The following AMPH variants were observed in gnomAD, a reference collection of about 807,000 sequenced individuals.
The protein encoded by AMPH is amphiphysin.
A neutral mutation model predicts 99.1 loss-of-function variants in AMPH; 49 were observed. The observed-to-expected ratio is 0.49, with a 90% CI of 0.39 to 0.63. The LOEUF is 0.63. AMPH is among the 20% of genes least tolerant of loss of function. AMPH has a pLI of 0.00. For missense variants in AMPH, 759 were observed against 863.4 expected, an observed-to-expected ratio of 0.88 and a Z score of 1.52; for synonymous variants, 314 against 317.3, an observed-to-expected ratio of 0.99 and a Z score of 0.11.
At chr7:38,497,248 T>C (rs10277748) in intron 3 of AMPH, among the ~76,000 whole-genome samples, 85,334 of 151,976 alleles carry the variant, frequency 0.56, 24,233 homozygotes, top group African/African-American at 0.62. Flanking sequence ...ATACAAGTTC[T>C]CTTCAGAGTA....
chr7:38,620,599 G>C (rs1026638048), intron 1 of AMPH, among the ~76,000 whole-genome samples: 2 of 148,134 alleles, frequency 1.4e-5, no homozygotes, highest in Non-Finnish European at 3.0e-5. Flanking sequence ...ACGTGCAATT[G>C]ATTAAATGTT....
chr7:38,389,371 T>C (rs972357749), intron 20 of AMPH, among the ~76,000 whole-genome samples: 1 of 151,982 alleles, frequency 6.6e-6, no homozygotes, highest in Admixed American at 6.6e-5. Context: ...GTTCAATGAG[T>C]TTTGACAAAT....
intron 1 of AMPH, among the ~76,000 whole-genome samples, chr7:38,541,505 A>T (rs549344159): frequency 4.1e-4 from 63 of 152,320 alleles, no homozygotes; most frequent in Non-Finnish European, 6.9e-4. Flanking sequence ...ATTGTCCTCC[A>T]GCTTCCCCTC....
intron 1 of AMPH, among the ~76,000 whole-genome samples, chr7:38,547,300 T>C (rs1323620976): frequency 1.3e-5 from 2 of 152,090 alleles, no homozygotes; most frequent in Non-Finnish European, 2.9e-5. Context: ...TTCCACTACC[T>C]TTGTACACTT....
At chr7:38,443,914 AG>A (rs1374710606) in intron 11 of AMPH, among the ~76,000 whole-genome samples, 1 of 152,132 alleles carries the variant, frequency 6.6e-6, no homozygotes, top group Non-Finnish European at 1.5e-5. Flanking sequence ...TATTCATAAA[AG>A]ATATGATAAT....
intron 5 of AMPH, among the ~76,000 whole-genome samples, chr7:38,483,529 T>A (rs972382468): frequency 5.9e-5 from 9 of 151,972 alleles, no homozygotes; most frequent in Admixed American, 5.2e-4. Context: ...AGAAAATGAG[T>A]CTTGCTTGTC....
At chr7:38,491,876 C>A (rs1023676993) in intron 4 of AMPH, among the ~76,000 whole-genome samples, 2 of 152,184 alleles carry the variant, frequency 1.3e-5, no homozygotes, top group African/African-American at 4.8e-5. Context: ...CAGGAAATGA[C>A]TATCACACCA....
intron 1 of AMPH, among the ~76,000 whole-genome samples, chr7:38,539,206 A>G (rs1166248483): frequency 1.3e-5 from 2 of 152,216 alleles, no homozygotes; most frequent in Admixed American, 1.3e-4. Flanking sequence ...TTAAAAACCA[A>G]AAGCCCTGAA....
intron 1 of AMPH, among the ~76,000 whole-genome samples, chr7:38,553,878 A>C (rs575276461): frequency 6.6e-6 from 1 of 152,314 alleles, no homozygotes; most frequent in African/African-American, 2.4e-5. Flanking sequence ...AAAAAGACAG[A>C]TCATTTCCTG....
intron 1 of AMPH, among the ~76,000 whole-genome samples, chr7:38,628,251 A>G (rs1011514467): frequency 5.3e-5 from 8 of 152,254 alleles, no homozygotes; most frequent in African/African-American, 1.9e-4. Flanking sequence ...CCAATGACAT[A>G]GCTAAACATT....
chr7:38,415,120 T>A (rs1175213147), intron 17 of AMPH, among the ~76,000 whole-genome samples: 3 of 152,178 alleles, frequency 2.0e-5, no homozygotes, highest in Non-Finnish European at 4.4e-5. Flanking sequence ...ATACTACCTA[T>A]ATGAGAAATA....
chr7:38,492,710 C>T (rs948486559), intron 4 of AMPH, among the ~76,000 whole-genome samples: 2 of 152,186 alleles, frequency 1.3e-5, no homozygotes, highest in East Asian at 1.9e-4. Context: ...TCCAAAAAAC[C>T]GGGCAGCTGC....
At chr7:38,468,671 AAG>A (rs1275994218) in intron 7 of AMPH, among the ~76,000 whole-genome samples, 2 of 152,232 alleles carry the variant, frequency 1.3e-5, no homozygotes, top group African/African-American at 4.8e-5. Context: ...AGATCCTGCA[AAG>A]AGGGGAATGC....
intron 1 of AMPH, among the ~76,000 whole-genome samples, chr7:38,578,538 G>A (rs1458242484): frequency 6.6e-6 from 1 of 152,162 alleles, no homozygotes; most frequent in Non-Finnish European, 1.5e-5. Flanking sequence ...AAGGTGGGAA[G>A]ATTTTTTGAA....
At chr7:38,401,282 G>A (rs73348840) in intron 17 of AMPH, among the ~76,000 whole-genome samples, 1 of 151,988 alleles carries the variant, frequency 6.6e-6, no homozygotes, top group African/African-American at 2.4e-5. Context: ...AACATGTTTT[G>A]GGGGTTTCTG....
At chr7:38,619,721 C>A (rs1172719963) in intron 1 of AMPH, among the ~76,000 whole-genome samples, 5 of 152,188 alleles carry the variant, frequency 3.3e-5, no homozygotes, top group Non-Finnish European at 5.9e-5. Context: ...TTAACAGGAA[C>A]AACTATGGGC....
intron 17 of AMPH, among the ~76,000 whole-genome samples, chr7:38,398,401 G>A (rs1332435099): frequency 1.3e-5 from 2 of 152,158 alleles, no homozygotes; most frequent in Admixed American, 1.3e-4. Flanking sequence ...CAACATGGAT[G>A]GAACTGGAGG....
intron 2 of AMPH, among the ~76,000 whole-genome samples, chr7:38,510,839 T>G (rs1169334433): frequency 1.3e-5 from 2 of 152,206 alleles, no homozygotes; most frequent in Non-Finnish European, 2.9e-5. Context: ...CTCCATGCTC[T>G]CAGGATACAG....
chr7:38,535,470 A>G (rs1298923864), intron 1 of AMPH, among the ~76,000 whole-genome samples: 1 of 152,218 alleles, frequency 6.6e-6, no homozygotes. Flanking sequence ...ACCAGGGACC[A>G]GTTTCATGGA....
Sources: allele counts gnomAD v4.1 joint callset (sites outside exome capture counted in the v4.1 genomes callset), GRCh38; gene constraint gnomAD v4.1.1; transcripts MANE v1.5; gene names NCBI Gene and HGNC (gene_info 2026-07-23, HGNC 2026-07-21).